Variants in CDC27 observed in about 807,000 individuals in gnomAD.
CDC27 encodes the protein cell division cycle protein 27 homolog.
CDC27 carries 27 observed loss-of-function variants against 109.7 expected under a neutral mutation model. That is an observed-to-expected ratio of 0.25 (90% CI 0.18 to 0.34). The LOEUF (loss-of-function observed/expected upper bound fraction) is 0.34, where lower values mean the gene tolerates loss of function less well. CDC27 is among the 10% of genes least tolerant of loss of function. The pLI, the probability that CDC27 is intolerant of heterozygous loss-of-function variation, is 1.00. For synonymous variants in CDC27, 266 were observed against 333.9 expected (o/e 0.80, Z 2.22); for missense variants, 579 against 960.2 (o/e 0.60, Z 5.25).
At chr17:47,136,223 T>C (rs113194736) in intron 14 of CDC27, among the ~76,000 whole-genome samples, 4 of 152,302 alleles carry the variant, frequency 2.6e-5, no homozygotes, top group Admixed American at 1.3e-4. Context: ...GACAGCAGCA[T>C]TGGCAAGTTG....
At chr17:47,160,743 C>T (rs1008555371) in intron 4 of CDC27, among the ~76,000 whole-genome samples, 1 of 152,118 alleles carries the variant, frequency 6.6e-6, no homozygotes, top group Non-Finnish European at 1.5e-5. Context: ...CTGAAACTAT[C>T]AGGTAAAATG....
intron 15 of CDC27, among the ~76,000 whole-genome samples, chr17:47,129,995 T>TAAA (rs11570552): frequency 0.72 from 108,696 of 151,784 alleles, 39,383 homozygotes; most frequent in Admixed American, 0.82. Flanking sequence ...AAAACTGTGT[T>TAAA]AACACTCCTG....
At chr17:47,138,509 T>C (rs1033939241) in intron 13 of CDC27, among the ~76,000 whole-genome samples, 7 of 152,200 alleles carry the variant, frequency 4.6e-5, no homozygotes, top group African/African-American at 1.7e-4. Flanking sequence ...CGTAGTCAAA[T>C]CTCGATAAAT....
At chr17:47,121,441 G>GTCAA (rs1254020506) in intron 18 of CDC27, among the ~76,000 whole-genome samples, 2 of 152,090 alleles carry the variant, frequency 1.3e-5, no homozygotes, top group Non-Finnish European at 2.9e-5. Context: ...CAGTCTATCA[G>GTCAA]TCAATCAATC....
At chr17:47,124,253 G>C (rs1224399689) in intron 16 of CDC27, among the ~76,000 whole-genome samples, 1 of 66,532 alleles carries the variant, frequency 1.5e-5, no homozygotes, top group Non-Finnish European at 3.7e-5. Flanking sequence ...CCTTGCTTTT[G>C]GTCATCTATC....
chr17:47,173,013 A>G (rs1348113214), intron 2 of CDC27, among the ~76,000 whole-genome samples: 1 of 152,232 alleles, frequency 6.6e-6, no homozygotes, highest in East Asian at 1.9e-4. Context: ...TCTCATACCC[A>G]CTAAATTAGT....
intron 4 of CDC27, among the ~76,000 whole-genome samples, chr17:47,164,711 G>A (rs116653366): frequency 0.011 from 1,721 of 152,168 alleles, 27 homozygotes; most frequent in African/African-American, 0.039. Flanking sequence ...CAGCTACTCC[G>A]GAGGCTGAGG....
intron 14 of CDC27, among the ~76,000 whole-genome samples, chr17:47,132,739 AGTTT>A (rs2062384456): frequency 9.8e-6 from 1 of 102,216 alleles, no homozygotes; most frequent in Non-Finnish European, 1.9e-5. Flanking sequence ...CCATTAAAGC[AGTTT>A]ATTATTATTA....
Position 47,137,374 on chromosome 17 carries a change from G to A in CDC27, c.1705-14C>T. 1 of 1,501,434 alleles carries A rather than the reference G, an allele frequency of 6.7e-7. No individual in the cohort carries two copies. Among genetic ancestry groups the A allele is most frequent in the Non-Finnish European group, 9.0e-7 (1 of 1,116,218 alleles). The allele number at this position is 1,501,434 out of a possible 1,614,324, so 93.0% of individuals were successfully genotyped here. ...AGCACACCAGGCCTTAAAAAAATGG[G>A]AACAAAAACCAAACAGAATTAAAAT... On this transcript the variant is annotated splice_polypyrimidine_tract_variant and intron_variant, in intron 13 of 18. Coordinates refer to ENST00000066544, the MANE Select transcript of CDC27 (RefSeq NM_001256.6).
intron 2 of CDC27, among the ~76,000 whole-genome samples, chr17:47,177,091 C>T (rs1040721123): frequency 1.3e-5 from 2 of 152,116 alleles, no homozygotes; most frequent in Non-Finnish European, 2.9e-5. Flanking sequence ...ATCTTACCCA[C>T]TAATCACTAA....
At position 47,189,240 on chromosome 17, in the gene CDC27, C is replaced by G. The variant is rs1035063450; in HGVS notation, c.-68G>C. 7.9e-7 allele frequency: 1 copy of G among 1,266,406 alleles called. No individual in the cohort carries two copies. Among genetic ancestry groups the G allele is most frequent in the Admixed American group, 1.7e-5 (1 of 58,786 alleles). The allele number at this position is 1,266,406 out of a possible 1,614,324, so 78.4% of individuals were successfully genotyped here. On this transcript the variant is annotated 5_prime_UTR_variant, in exon 1 of 19. Transcript: ENST00000066544. Reference sequence around the variant, plus strand: ...CCTGTAGCGGCTCCGGCCCGGCCAGCCCCTGCTCATTTAAACTCACCAGCG... The same window carrying G: ...CCTGTAGCGGCTCCGGCCCGGCCAGGCCCTGCTCATTTAAACTCACCAGCG...
At chr17:47,152,215 A>G (rs1406313193) in intron 8 of CDC27, among the ~76,000 whole-genome samples, 1 of 152,112 alleles carries the variant, frequency 6.6e-6, no homozygotes, top group Non-Finnish European at 1.5e-5. Flanking sequence ...CATTGTGACC[A>G]TCCTCCATTT....
At chr17:47,178,528 A>AAAAT (rs1327140180) in intron 2 of CDC27, among the ~76,000 whole-genome samples, 4 of 133,604 alleles carry the variant, frequency 3.0e-5, no homozygotes, top group East Asian at 2.2e-4. Flanking sequence ...GGCTATCTCA[A>AAAAT]AAATAAATAA....
At chr17:47,137,675 T>G (rs558830517) in intron 13 of CDC27, among the ~76,000 whole-genome samples, 1 of 152,232 alleles carries the variant, frequency 6.6e-6, no homozygotes, top group Non-Finnish European at 1.5e-5. Context: ...GGACAGAAAC[T>G]CTGTGGGCTA....
At chr17:47,148,025 C>T (rs2063029223) in intron 9 of CDC27, among the ~76,000 whole-genome samples, 1 of 151,550 alleles carries the variant, frequency 6.6e-6, no homozygotes, top group African/African-American at 2.4e-5. Context: ...TGGTGAAACC[C>T]CATCTCTACT....
chr17:47,132,573 A>C (rs1427112335), intron 14 of CDC27, among the ~76,000 whole-genome samples, 199 bp from the exon 15 acceptor site: 1 of 151,400 alleles, frequency 6.6e-6, no homozygotes, highest in East Asian at 1.9e-4. Context: ...TAAATAAAAA[A>C]ATTTTTTTTT....
chr17:47,140,139 T>G (rs757568010), intron 12 of CDC27, among the ~76,000 whole-genome samples: 17 of 152,214 alleles, frequency 1.1e-4, no homozygotes, highest in Non-Finnish European at 2.2e-4. Context: ...AGGAATAGCT[T>G]AACGATTTGT....
chr17:47,146,893 C>T (rs934664340), intron 9 of CDC27, among the ~76,000 whole-genome samples: 2 of 151,658 alleles, frequency 1.3e-5, no homozygotes, highest in African/African-American at 4.8e-5. Context: ...AGCAAGACCC[C>T]ATCTCTGCAA....
At chr17:47,133,054 C>T (rs1168205665) in intron 14 of CDC27, among the ~76,000 whole-genome samples, 18 of 55,066 alleles carry the variant, frequency 3.3e-4, no homozygotes, top group East Asian at 6.7e-4. Context: ...CACACACACA[C>T]ATACATATAC....
Sources: allele counts gnomAD v4.1 joint callset (sites outside exome capture counted in the v4.1 genomes callset), GRCh38; gene constraint gnomAD v4.1.1; transcripts MANE v1.5; gene names NCBI Gene and HGNC (gene_info 2026-07-23, HGNC 2026-07-21).